Variants in ELAVL2 observed in about 807,000 individuals in gnomAD.
ELAVL2 encodes ELAV-like protein 2.
ELAVL2 carries 4 observed loss-of-function variants against 34.6 expected under a neutral mutation model. That is an observed-to-expected ratio of 0.12 (90% CI 0.06 to 0.26). The LOEUF (loss-of-function observed/expected upper bound fraction) is 0.26. ELAVL2 is among the 10% of genes least tolerant of loss of function. ELAVL2 has a pLI of 1.00. For missense variants in ELAVL2, 432 were observed against 442.8 expected, an observed-to-expected ratio of 0.98 and a Z score of 0.22; for synonymous variants, 193 against 154.8, an observed-to-expected ratio of 1.25 and a Z score of -1.83.
intron 1 of ELAVL2, among the ~76,000 whole-genome samples, chr9:23,817,679 C>A (rs1276650283): frequency 1.3e-5 from 2 of 152,080 alleles, no homozygotes; most frequent in Non-Finnish European, 2.9e-5. Context: ...AAAAAAAATT[C>A]TTCCCTTGAA....
intron 2 of ELAVL2, among the ~76,000 whole-genome samples, chr9:23,741,143 G>T (rs564477842): frequency 2.9e-4 from 44 of 152,296 alleles, no homozygotes; most frequent in African/African-American, 9.9e-4. Flanking sequence ...CAGAGAAGAT[G>T]AAATTCAGGT....
rs1246996107 is a variant in ELAVL2, at chr9:23,762,085, C to A, written c.150G>T (p.Met50Ile). Residue 50 changes from methionine to isoleucine, a missense_variant, in exon 2 of 7, where the codon ATG (methionine) becomes ATT (isoleucine). Physicochemically the swap from Met to Ile is conservative, Grantham distance 10. Transcript: ENST00000397312. The part of the protein sequence containing the change: ...NLIVNYLPQN[M>I]TQEELKSLFG... ...AGAGACTCTTTAGTTCCTCCTGTGT[C>A]ATGTTCTGAGGAAGGTAGTTGACTA... 6.2e-7 allele frequency: 1 copy of A among 1,613,354 alleles called. No homozygotes were observed. The highest frequency in any genetic ancestry group is 8.5e-7 in the Non-Finnish European group (1 of 1,179,594).
chr9:23,697,603 C>T (rs1010757719), intron 5 of ELAVL2, among the ~76,000 whole-genome samples: 14 of 152,034 alleles, frequency 9.2e-5, no homozygotes, highest in African/African-American at 3.4e-4. Context: ...ATTTTTCTAT[C>T]AACAGGACCA....
intron 3 of ELAVL2, among the ~76,000 whole-genome samples, chr9:23,718,481 GT>G (rs1435934314): frequency 6.6e-6 from 1 of 152,100 alleles, no homozygotes; most frequent in Admixed American, 6.5e-5. Context: ...AACTGTACCA[GT>G]TTTTTAAAAA....
intron 1 of ELAVL2, among the ~76,000 whole-genome samples, chr9:23,781,692 CTTTT>C (rs931294862): frequency 6.6e-6 from 1 of 151,218 alleles, no homozygotes; most frequent in South Asian, 2.1e-4. Flanking sequence ...TTTTTTAAAT[CTTTT>C]TTTGTTTGTT....
chr9:23,693,246 G>C (rs1287927028), intron 6 of ELAVL2, among the ~76,000 whole-genome samples: 2 of 152,118 alleles, frequency 1.3e-5, no homozygotes, highest in Non-Finnish European at 2.9e-5. Context: ...ACAAATGATG[G>C]GTTTTTAAAA....
intron 1 of ELAVL2, among the ~76,000 whole-genome samples, chr9:23,766,983 A>C (rs2056407084): frequency 6.6e-6 from 1 of 152,182 alleles, no homozygotes; most frequent in South Asian, 2.1e-4. Context: ...TTCTCCTCTT[A>C]ATTTAGACAT....
At chr9:23,816,819 A>T (rs890794907) in intron 1 of ELAVL2, among the ~76,000 whole-genome samples, 1 of 152,188 alleles carries the variant, frequency 6.6e-6, no homozygotes, top group Admixed American at 6.6e-5. Flanking sequence ...CAACTATAAC[A>T]TAAATGTTCT....
intron 1 of ELAVL2, among the ~76,000 whole-genome samples, chr9:23,786,667 A>C (rs2059712714): frequency 6.6e-6 from 1 of 152,052 alleles, no homozygotes; most frequent in Admixed American, 6.6e-5. Context: ...AAAATATTAA[A>C]CTTCAAGGTA....
chr9:23,779,370 G>A (rs1244701524), intron 1 of ELAVL2: 3 of 985,314 alleles, frequency 3.0e-6, no homozygotes, highest in African/African-American at 1.7e-5. Flanking sequence ...GGCAAGGGAA[G>A]AAAGCAACGC....
At chr9:23,772,990 G>C (rs1270637450) in intron 1 of ELAVL2, among the ~76,000 whole-genome samples, 2 of 151,998 alleles carry the variant, frequency 1.3e-5, no homozygotes, top group African/African-American at 2.4e-5. Context: ...ATCCCAGCTA[G>C]AACAAAACAC....
intron 2 of ELAVL2, among the ~76,000 whole-genome samples, chr9:23,753,531 TG>T (rs921951358): frequency 2.6e-5 from 4 of 152,038 alleles, no homozygotes; most frequent in Non-Finnish European, 5.9e-5. Flanking sequence ...ATCATAAAAA[TG>T]GGGGGTATAA....
chr9:23,773,264 C>T (rs1220057876), intron 1 of ELAVL2, among the ~76,000 whole-genome samples: 1 of 152,056 alleles, frequency 6.6e-6, no homozygotes, highest in Non-Finnish European at 1.5e-5. Context: ...CAGGTAAGGC[C>T]CTTCTTAGCC....
At chr9:23,778,626 A>C (rs1242287038) in intron 1 of ELAVL2, among the ~76,000 whole-genome samples, 1 of 152,166 alleles carries the variant, frequency 6.6e-6, no homozygotes, top group Non-Finnish European at 1.5e-5. Context: ...CCTAAATGTC[A>C]AATGTGCTAA....
intron 3 of ELAVL2, among the ~76,000 whole-genome samples, chr9:23,712,490 A>T (rs1305253843): frequency 6.6e-6 from 1 of 152,190 alleles, no homozygotes; most frequent in African/African-American, 2.4e-5. Flanking sequence ...TAATTCTTCT[A>T]CTAGTAATGC....
At chr9:23,694,153 G>C (rs1299356053) in intron 5 of ELAVL2, among the ~76,000 whole-genome samples, 1 of 152,118 alleles carries the variant, frequency 6.6e-6, no homozygotes, top group Non-Finnish European at 1.5e-5. Context: ...ACAAAGCCAA[G>C]AGTTCAGATC....
chr9:23,704,900 G>A lies in ELAVL2; in HGVS notation c.487+18C>T, dbSNP rs750146848. 7 of 1,613,572 alleles carry A rather than the reference G, an allele frequency of 4.3e-6. No homozygotes were observed. In the South Asian group the frequency reaches 6.6e-5, roughly 15 times the overall value. ...GTCAGAGACAGGGAAAGACTGTCCGGAGTGGCTGTCTACTTACCAGTGACC... is the reference window on the plus strand; with the variant it reads ...GTCAGAGACAGGGAAAGACTGTCCGAAGTGGCTGTCTACTTACCAGTGACC... On this transcript the variant is annotated intron_variant, in intron 4 of 6. Coordinates refer to ENST00000397312, the MANE Select transcript of ELAVL2 (RefSeq NM_004432.5).
intron 1 of ELAVL2, among the ~76,000 whole-genome samples, chr9:23,810,837 T>C (rs920438311): frequency 6.6e-6 from 1 of 152,190 alleles, no homozygotes; most frequent in Non-Finnish European, 1.5e-5. Flanking sequence ...TCACCATTAC[T>C]AGAGGAAATG....
chr9:23,772,160 A>G (rs1318612678), intron 1 of ELAVL2, among the ~76,000 whole-genome samples: 2 of 152,192 alleles, frequency 1.3e-5, no homozygotes, highest in Admixed American at 6.5e-5. Context: ...TTCTTCTACA[A>G]AAGTCACAGC....
Sources: gnomAD v4.1 joint callset for allele counts (sites outside exome capture counted in the v4.1 genomes callset) on GRCh38, gnomAD v4.1.1 for gene constraint, MANE v1.5 for transcripts, NCBI Gene and HGNC (gene_info 2026-07-23, HGNC 2026-07-21) for gene names.